Variants in GALK2 observed in about 807,000 individuals in gnomAD.
The protein encoded by GALK2 is N-acetylgalactosamine kinase.
Under a neutral mutation model 52.4 loss-of-function variants are expected in GALK2, and 36 were observed. The ratio of observed to expected loss-of-function variants is 0.69; its 90% CI spans 0.53 to 0.91. The LOEUF (loss-of-function observed/expected upper bound fraction) is 0.91. GALK2 is among the 40% of genes least tolerant of loss of function. The pLI is 0.00. For missense variants in GALK2, 579 were observed against 559.1 expected (o/e 1.04, Z -0.36); for synonymous variants, 176 against 199.1 (o/e 0.88, Z 0.98).
At chr15:49,345,626 T>A (rs973358134) in intron 3 of GALK2, among the ~76,000 whole-genome samples, 1 of 152,242 alleles carries the variant, frequency 6.6e-6, no homozygotes, top group Non-Finnish European at 1.5e-5. Flanking sequence ...ATTGGCCTCA[T>A]ACTTTATATT....
intron 8 of GALK2, among the ~76,000 whole-genome samples, chr15:49,299,709 G>GCTTTCTTTCTTTCTTT (rs34902544): frequency 2.8e-4 from 24 of 85,240 alleles, no homozygotes; most frequent in African/African-American, 4.9e-4. Flanking sequence ...TCTTGGTATT[G>GCTTTCTTTCTTTCTTT]CTTTCTTTCT....
chr15:49,210,682 C>T (rs1271708757), intron 2 of GALK2, among the ~76,000 whole-genome samples: 1 of 151,976 alleles, frequency 6.6e-6, no homozygotes, highest in Non-Finnish European at 1.5e-5. Context: ...CTCAGGTGAT[C>T]CACCCGCCTC....
chr15:49,197,419 C>T (rs937189207), intron 1 of GALK2, among the ~76,000 whole-genome samples: 2 of 152,018 alleles, frequency 1.3e-5, no homozygotes, highest in African/African-American at 4.8e-5. Flanking sequence ...TATCCCTTAT[C>T]CAAAATGTTT....
intron 3 of GALK2, among the ~76,000 whole-genome samples, chr15:49,218,887 G>A (rs113229974): frequency 6.6e-6 from 1 of 152,124 alleles, no homozygotes; most frequent in African/African-American, 2.4e-5. Context: ...GTGTAGTGGG[G>A]CGATCTCAGC....
chr15:49,216,594 A>G (rs950754840), intron 2 of GALK2, among the ~76,000 whole-genome samples: 4 of 152,180 alleles, frequency 2.6e-5, no homozygotes, highest in African/African-American at 9.6e-5. Context: ...GGACTGCAGT[A>G]CTTGTGGCCT....
At chr15:49,214,938 G>A (rs1156880607) in intron 2 of GALK2, among the ~76,000 whole-genome samples, 1 of 80,808 alleles carries the variant, frequency 1.2e-5, no homozygotes, top group African/African-American at 3.7e-5. Flanking sequence ...CCCCTCAGCT[G>A]TGTTTGTCTG....
upstream of GALK2, chr15:49,170,228 G>A (rs1345119451): frequency 2.2e-5 from 33 of 1,533,696 alleles, no homozygotes; most frequent in Non-Finnish European, 2.6e-5. Context: ...TTATCTCCCG[G>A]AAGAAAACGG....
intron 8 of GALK2, among the ~76,000 whole-genome samples, chr15:49,313,697 T>C (rs960252387): frequency 5.9e-5 from 9 of 152,240 alleles, no homozygotes; most frequent in Non-Finnish European, 8.8e-5. Context: ...GAGCACAGTA[T>C]TGGGTGCATA....
downstream of GALK2, among the ~76,000 whole-genome samples, chr15:49,333,605 A>G (rs1226153525): frequency 1.3e-5 from 2 of 152,204 alleles, no homozygotes; most frequent in Non-Finnish European, 2.9e-5. Flanking sequence ...AAGATCCTAA[A>G]GTAGTGGGTT....
At chr15:49,287,405 C>T (rs892170522) in intron 7 of GALK2, among the ~76,000 whole-genome samples, 1 of 152,022 alleles carries the variant, frequency 6.6e-6, no homozygotes, top group Non-Finnish European at 1.5e-5. Context: ...AGGTTTTATA[C>T]AAAAGGGAAA....
intron 9 of GALK2, among the ~76,000 whole-genome samples, chr15:49,324,699 C>T (rs2037189697): frequency 6.6e-6 from 1 of 152,072 alleles, no homozygotes; most frequent in African/African-American, 2.4e-5. Flanking sequence ...TGACTCTTGC[C>T]ATTTCCCAGA....
chr15:49,324,388 T>C (rs1188997266), intron 9 of GALK2, among the ~76,000 whole-genome samples: 9 of 82,112 alleles, frequency 1.1e-4, no homozygotes, highest in African/African-American at 6.0e-4. Flanking sequence ...AGTGCTAACA[T>C]GCATACCCTG....
At chr15:49,262,245 A>C (rs995774209) in intron 5 of GALK2, among the ~76,000 whole-genome samples, 94 of 152,124 alleles carry the variant, frequency 6.2e-4, no homozygotes, top group Admixed American at 3.3e-3. Flanking sequence ...ACAATTTCAG[A>C]GCCTGTTATT....
chr15:49,169,562 A>G (rs942438611), upstream of GALK2, among the ~76,000 whole-genome samples: 2 of 152,146 alleles, frequency 1.3e-5, no homozygotes, highest in Non-Finnish European at 2.9e-5. Flanking sequence ...TAGGAGAACT[A>G]TGAAGGAAGG....
At chr15:49,165,691 A>G (rs1451316703), upstream of GALK2, among the ~76,000 whole-genome samples, 2 of 152,086 alleles carry the variant, frequency 1.3e-5, no homozygotes, top group Admixed American at 1.3e-4. Context: ...ATTAAATTTA[A>G]CATTTCTTTT....
intron 3 of GALK2, 138 bp downstream of exon 3, chr15:49,217,451 G>T: frequency 1.2e-6 from 1 of 823,872 alleles, no homozygotes; most frequent in Non-Finnish European, 1.9e-6. Flanking sequence ...AAATTCTAAG[G>T]CCATTATTTA....
At chr15:49,259,711 C>A (rs1230212311) in intron 5 of GALK2, among the ~76,000 whole-genome samples, 2 of 145,662 alleles carry the variant, frequency 1.4e-5, no homozygotes, top group East Asian at 2.1e-4. Flanking sequence ...GTATATCTCC[C>A]AATGCTATCC....
chr15:49,252,678 T>C (rs1388832254), intron 5 of GALK2, among the ~76,000 whole-genome samples: 1 of 146,346 alleles, frequency 6.8e-6, no homozygotes, highest in Non-Finnish European at 1.5e-5. Flanking sequence ...CTTATTCACT[T>C]TTTTATTTAA....
intron 4 of GALK2, among the ~76,000 whole-genome samples, chr15:49,238,134 G>C (rs1258182699): frequency 6.6e-6 from 1 of 152,084 alleles, no homozygotes; most frequent in African/African-American, 2.4e-5. Flanking sequence ...TTGTATAATA[G>C]GTATGATGAA....
Sources: gnomAD v4.1 joint callset for allele counts (sites outside exome capture counted in the v4.1 genomes callset) on GRCh38, gnomAD v4.1.1 for gene constraint, MANE v1.5 for transcripts, NCBI Gene and HGNC (gene_info 2026-07-23, HGNC 2026-07-21) for gene names.